The following CLEC16A variants were observed in gnomAD, a reference collection of about 807,000 sequenced individuals.
The protein encoded by CLEC16A is C-type lectin domain containing 16A.
Under a neutral mutation model 109.5 loss-of-function variants are expected in CLEC16A, and 51 were observed. The ratio of observed to expected loss-of-function variants is 0.47; its 90% CI spans 0.37 to 0.59. CLEC16A has a LOEUF of 0.59. CLEC16A is among the 20% of genes least tolerant of loss of function. The pLI, the probability that CLEC16A is intolerant of heterozygous loss-of-function variation, is 0.00. For missense variants in CLEC16A, 1,339 were observed against 1,394.0 expected, an observed-to-expected ratio of 0.96 and a Z score of 0.63; for synonymous variants, 673 against 564.2, an observed-to-expected ratio of 1.19 and a Z score of -2.73.
At chr16:10,995,519 A>T (rs562277767) in intron 10 of CLEC16A, among the ~76,000 whole-genome samples, 5 of 152,172 alleles carry the variant, frequency 3.3e-5, no homozygotes, top group Non-Finnish European at 4.4e-5. Flanking sequence ...TAAAGCATAG[A>T]ACATGACTGT....
At chr16:10,967,443 A>G (rs2042566894) in intron 3 of CLEC16A, among the ~76,000 whole-genome samples, 1 of 152,162 alleles carries the variant, frequency 6.6e-6, no homozygotes, top group Non-Finnish European at 1.5e-5. Flanking sequence ...CCTGTCGCCT[A>G]GGCTAGTCTC....
chr16:11,105,743 CAGTT>C (rs1380983195), intron 19 of CLEC16A, among the ~76,000 whole-genome samples: 1 of 152,230 alleles, frequency 6.6e-6, no homozygotes, highest in Non-Finnish European at 1.5e-5. Flanking sequence ...ATGGCACTTT[CAGTT>C]AGTTATTGCT....
Position 10,955,138 on chromosome 16 carries a change from C to T in CLEC16A, c.81-2644C>T, listed in dbSNP as rs142824227. Among the ~76,000 whole-genome samples the T allele has an allele frequency of 2.4e-3, 366 of 152,322 alleles. 1 individual carries two copies. In the Middle Eastern group the frequency reaches 0.041, roughly 17 times the overall value. On this transcript the variant is annotated intron_variant, in intron 1 of 23. Coordinates refer to ENST00000409790, the MANE Select transcript of CLEC16A (RefSeq NM_015226.3). ...GGAGGTGGCAGGGCCAAAGGTCAAG[C>T]CCAAGTCTGTCTGCCAGACTCCGAA...
At chr16:11,122,907 T>C (rs1174577841) in intron 20 of CLEC16A, among the ~76,000 whole-genome samples, 9 of 138,854 alleles carry the variant, frequency 6.5e-5, no homozygotes, top group African/African-American at 1.4e-4. Flanking sequence ...TTTTTTTTTT[T>C]TTTTTTTTTT....
At chr16:11,121,217 C>T (rs1332230749) in intron 20 of CLEC16A, among the ~76,000 whole-genome samples, 1 of 152,206 alleles carries the variant, frequency 6.6e-6, no homozygotes, top group Non-Finnish European at 1.5e-5. Flanking sequence ...CACATTAGTA[C>T]ACGCAGACTT....
At chr16:11,143,358 A>G (rs2053924147) in intron 22 of CLEC16A, among the ~76,000 whole-genome samples, 1 of 152,188 alleles carries the variant, frequency 6.6e-6, no homozygotes, top group African/African-American at 2.4e-5. Flanking sequence ...ACCAGGTTCC[A>G]GAGGCTGAAG....
In CLEC16A at chr16:11,047,143, C is replaced by T. The variant is rs1190853457; in HGVS notation, c.1816-149C>T. On this transcript the variant is annotated intron_variant, in intron 16 of 23. Transcript: ENST00000409790. ...ATTTGAGCGTGTGTGTTTGTGTTCA[C>T]GTGTGCATTTTACTTCCTGGTGATT... is the stretch of plus-strand genomic sequence containing the variant. 5.5e-4 allele frequency: 266 copies of T among 479,394 alleles called. 1 individual carries two copies. The highest frequency in any genetic ancestry group is 4.0e-5 in the Non-Finnish European group (11 of 274,146). 29.7% of individuals were successfully genotyped at this position (479,394 alleles called of 1,614,324 possible).
chr16:10,992,800 G>A (rs113944140), intron 10 of CLEC16A, among the ~76,000 whole-genome samples: 101 of 152,258 alleles, frequency 6.6e-4, no homozygotes, highest in African/African-American at 2.3e-3. Context: ...GGGATAGACA[G>A]TAAGCCAGCT....
At chr16:10,967,737 T>C (rs2042580688) in intron 3 of CLEC16A, among the ~76,000 whole-genome samples, 2 of 152,176 alleles carry the variant, frequency 1.3e-5, no homozygotes, top group African/African-American at 4.8e-5. Context: ...TTTGGCTTCA[T>C]GAAACTGGGG....
At chr16:11,083,635 TC>T (rs111776072) in intron 19 of CLEC16A, among the ~76,000 whole-genome samples, 1,682 of 152,292 alleles carry the variant, frequency 0.011, 24 homozygotes, top group African/African-American at 0.038. Flanking sequence ...TTTCTTTCCT[TC>T]CTAAGCCCAT....
chr16:11,138,917 G>A (rs1948934133), intron 22 of CLEC16A, among the ~76,000 whole-genome samples: 1 of 152,010 alleles, frequency 6.6e-6, no homozygotes, highest in African/African-American at 2.4e-5. Flanking sequence ...GGTTTCCTCA[G>A]GGTAAATAAC....
intron 19 of CLEC16A, among the ~76,000 whole-genome samples, chr16:11,092,475 G>A (rs752572929): frequency 2.0e-5 from 3 of 151,424 alleles, no homozygotes; most frequent in Non-Finnish European, 4.4e-5. Flanking sequence ...ACAGCCTCCC[G>A]GGAGGTTCCC....
chr16:11,130,598 C>T (rs537380009), intron 22 of CLEC16A, among the ~76,000 whole-genome samples: 2 of 152,312 alleles, frequency 1.3e-5, no homozygotes, highest in African/African-American at 4.8e-5. Flanking sequence ...GAGGGAGATT[C>T]GGTCATCAGA....
rs2042061262 is a variant in CLEC16A at position 10,957,785 on chromosome 16, T to A, written c.84T>A (p.Tyr28Ter). Reference sequence around the variant, plus strand: ...CCTTTTCTCTCATTTCTCTCAGGTATCTGTACCACGTTTTGACCAAAAACA... The same window carrying A: ...CCTTTTCTCTCATTTCTCTCAGGTAACTGTACCACGTTTTGACCAAAAACA... ...RNIHSLDHLK[Y>*]LYHVLTKNTT... is the part of the protein sequence containing the mutation. Residue 28 changes from tyrosine (Y) to a stop codon, truncating the protein, a stop_gained, in exon 2 of 24, where the codon TAT becomes TAA. Coordinates refer to ENST00000409790, the MANE Select transcript of CLEC16A (RefSeq NM_015226.3). LOFTEE classifies it high-confidence loss of function. 6.2e-7 allele frequency: 1 copy of A among 1,613,838 alleles called. No homozygotes were observed. The highest frequency in any genetic ancestry group is 1.7e-5 in the Admixed American group (1 of 60,012).
chr16:11,027,379 T>G (rs2046469790), intron 13 of CLEC16A: 1 of 1,389,528 alleles, frequency 7.2e-7, no homozygotes, highest in Non-Finnish European at 1.0e-6. Flanking sequence ...TTTAGTGGTG[T>G]CTTTGTAAAA....
At chr16:11,082,935 T>C (rs2049809506) in intron 19 of CLEC16A, among the ~76,000 whole-genome samples, 1 of 152,022 alleles carries the variant, frequency 6.6e-6, no homozygotes. Flanking sequence ...CCCATCTAAG[T>C]TTAAGGTTGC....
chr16:11,136,428 A>G (rs2053565937), intron 22 of CLEC16A: 1 of 152,194 alleles, frequency 6.6e-6, no homozygotes, highest in Non-Finnish European at 1.5e-5. Flanking sequence ...GACCCATATA[A>G]AACGTGCAGC....
rs556461916 is a variant in CLEC16A at position 11,008,085 on chromosome 16, C to G, written c.1303+4780C>G. Among the ~76,000 whole-genome samples the G allele has an allele frequency of 6.6e-5, 10 of 152,292 alleles. No homozygotes were observed. The South Asian group carries it at 1.7e-3, about 25-fold the overall frequency. ...AGCACTTAGCGCACACACTCTCGGT[C>G]GTTGTCAGGGGCTGTTTGCTTCTTG... On this transcript the variant is annotated intron_variant, in intron 11 of 23. Transcript: ENST00000409790.
intron 22 of CLEC16A, among the ~76,000 whole-genome samples, chr16:11,162,769 G>T (rs1270521608): frequency 6.6e-6 from 1 of 152,166 alleles, no homozygotes; most frequent in Non-Finnish European, 1.5e-5. Context: ...CCTTTCCCCA[G>T]TTCTTGGACT....
Sources: allele counts gnomAD v4.1 joint callset (sites outside exome capture counted in the v4.1 genomes callset), GRCh38; gene constraint gnomAD v4.1.1; transcripts MANE v1.5; gene names NCBI Gene and HGNC (gene_info 2026-07-23, HGNC 2026-07-21).